Variants in CNTNAP3B observed in about 807,000 individuals in gnomAD.
CNTNAP3B encodes the protein contactin-associated protein-like 3B.
In CNTNAP3B, 25 loss-of-function variants were observed where a neutral mutation model predicts 108.9. The observed-to-expected ratio is 0.23, with a 90% CI of 0.17 to 0.32. CNTNAP3B has a LOEUF of 0.32. Among genes scored for constraint, CNTNAP3B ranks in the 10% least tolerant of loss-of-function variants. CNTNAP3B has a pLI of 1.00. For synonymous variants in CNTNAP3B, 103 were observed against 473.4 expected (o/e 0.22, Z 10.16); for missense variants, 252 against 1,210.4 (o/e 0.21, Z 11.75).
intron 18 of CNTNAP3B, among the ~76,000 whole-genome samples, chr9:41,919,290 A>AT (rs1158695911): frequency 5.6e-3 from 840 of 150,372 alleles, no homozygotes; most frequent in African/African-American, 0.02. Context: ...TAATTTTTGT[A>AT]TTTTTAGTAA....
At chr9:41,961,165 G>T (rs1360001617) in intron 11 of CNTNAP3B, among the ~76,000 whole-genome samples, 3 of 152,308 alleles carry the variant, frequency 2.0e-5, no homozygotes, top group Non-Finnish European at 4.4e-5. Context: ...CGGTCACAGT[G>T]TATTTCTATT....
chr9:42,116,857 A>C lies in CNTNAP3B; in HGVS notation c.86-12118T>G, dbSNP rs577282987. On this transcript the variant is annotated intron_variant, in intron 1 of 23. Coordinates refer to ENST00000377561, the MANE Select transcript of CNTNAP3B (RefSeq NM_001201380.3). ...TGCCAAGCAAAGGGAAAACAAAAAA[A>C]AAGCAGGGGTTGGAATCCTAGTCTC... Among the ~76,000 whole-genome samples, 6 of 138,236 alleles carry C rather than the reference A, an allele frequency of 4.3e-5. 2 individuals are homozygous for C. The South Asian group carries it at 1.4e-3, about 32-fold the overall frequency. 90.7% of individuals were successfully genotyped at this position (138,236 alleles called of 152,430 possible).
intron 3 of CNTNAP3B, among the ~76,000 whole-genome samples, chr9:42,036,091 C>G (rs1339548279): frequency 6.7e-6 from 1 of 149,832 alleles, no homozygotes; most frequent in Non-Finnish European, 1.5e-5. Flanking sequence ...CTGGGCATCA[C>G]AGGGAGACTC....
intron 3 of CNTNAP3B, among the ~76,000 whole-genome samples, chr9:42,019,760 C>CA (rs71251465): frequency 0.018 from 1,386 of 77,206 alleles, 48 homozygotes; most frequent in South Asian, 0.059. Context: ...GACTCTATCT[C>CA]AAAAAAAAAA....
chr9:42,059,938 C>T (rs1188298828), intron 3 of CNTNAP3B, among the ~76,000 whole-genome samples: 21 of 148,794 alleles, frequency 1.4e-4, no homozygotes, highest in African/African-American at 4.8e-4. Flanking sequence ...GTCTTTAGGG[C>T]TTTCTATATA....
intron 3 of CNTNAP3B, among the ~76,000 whole-genome samples, chr9:42,035,633 A>G (rs1352691698): frequency 6.7e-6 from 1 of 149,666 alleles, no homozygotes; most frequent in Non-Finnish European, 1.5e-5. Flanking sequence ...CAAAGTGTTC[A>G]TTATCATTAT....
At position 42,093,345 on chromosome 9, in the gene CNTNAP3B, A is replaced by G. The variant is rs1420086310; in HGVS notation, c.196+11284T>C. On this transcript the variant is annotated intron_variant, in intron 2 of 23. Coordinates refer to ENST00000377561, the MANE Select transcript of CNTNAP3B (RefSeq NM_001201380.3). ...GGGTGACAGGGTGAGGCTCCATCTC[A>G]AAAACCAAACCAAAACAAAACAAAT... Among the ~76,000 whole-genome samples, 6 of 96,120 alleles carry G rather than the reference A, an allele frequency of 6.2e-5. 2 individuals are homozygous for G. Among genetic ancestry groups the G allele is most frequent in the African/African-American group, 2.3e-4 (6 of 26,030 alleles). The allele number at this position is 96,120 out of a possible 152,430, so 63.1% of individuals were successfully genotyped here.
chr9:41,957,431 T>G (rs1824895004), intron 12 of CNTNAP3B, among the ~76,000 whole-genome samples: 1 of 81,154 alleles, frequency 1.2e-5, no homozygotes, highest in Non-Finnish European at 2.4e-5. Flanking sequence ...GGGGGTGGGG[T>G]TCAGTCTTTT....
In CNTNAP3B at chr9:42,056,411, C is replaced by T. The variant is rs1165476772; in HGVS notation, c.390+20458G>A. ...TGTCGCCCAGGCTGGAGTGCAGTGG[C>T]GCAATCTTGGCTCACTGCAAGCTCC... On this transcript the variant is annotated intron_variant, in intron 3 of 23. Coordinates refer to ENST00000377561, the MANE Select transcript of CNTNAP3B (RefSeq NM_001201380.3). Among the ~76,000 whole-genome samples, 12 of 138,704 alleles carry T rather than the reference C, an allele frequency of 8.7e-5. No homozygotes were observed. In the East Asian group the frequency reaches 1.1e-3, roughly 12 times the overall value. 91.0% of individuals were successfully genotyped at this position (138,704 alleles called of 152,430 possible).
intron 18 of CNTNAP3B, among the ~76,000 whole-genome samples, chr9:41,915,744 G>A (rs1437063828): frequency 1.7e-5 from 2 of 114,408 alleles, no homozygotes; most frequent in African/African-American, 6.4e-5. Flanking sequence ...AGATAATCAT[G>A]TTTTTTTTTC....
chr9:41,919,086 A>G (rs1823595120), intron 18 of CNTNAP3B, among the ~76,000 whole-genome samples: 1 of 152,288 alleles, frequency 6.6e-6, no homozygotes, highest in African/African-American at 2.4e-5. Flanking sequence ...AAATATATTA[A>G]ATAAGTCAGT....
At chr9:42,108,715 G>A (rs1282872411) in intron 1 of CNTNAP3B, among the ~76,000 whole-genome samples, 5 of 134,408 alleles carry the variant, frequency 3.7e-5, no homozygotes, top group South Asian at 4.9e-4. Flanking sequence ...ATTTAGTCTC[G>A]GTGATTAGCT....
chr9:41,935,353 A>G (rs1824124586), intron 14 of CNTNAP3B, among the ~76,000 whole-genome samples: 1 of 152,274 alleles, frequency 6.6e-6, no homozygotes, highest in South Asian at 2.1e-4. Context: ...ATGCCTGAAG[A>G]GACTTAAAAT....
At chr9:42,071,958 G>A (rs1169664560) in intron 3 of CNTNAP3B, among the ~76,000 whole-genome samples, 3 of 150,146 alleles carry the variant, frequency 2.0e-5, no homozygotes, top group African/African-American at 5.0e-5. Context: ...CTTAGTTTTG[G>A]ATGTGACTAT....
chr9:41,934,122 T>TATATATATATATACACAC (rs1214326050), intron 14 of CNTNAP3B, among the ~76,000 whole-genome samples: 1,506 of 72,738 alleles, frequency 0.021, 5 homozygotes, highest in Non-Finnish European at 0.03. Flanking sequence ...TATATATATA[T>TATATATATATATACACAC]ACACACACAT....
intron 14 of CNTNAP3B, among the ~76,000 whole-genome samples, chr9:41,934,586 T>G (rs1335544806): frequency 6.6e-6 from 1 of 152,270 alleles, no homozygotes; most frequent in Admixed American, 6.5e-5. Context: ...TCTAGTGAGT[T>G]TATCTCAGCA....
At chr9:42,030,794 A>T (rs373385474) in intron 3 of CNTNAP3B, among the ~76,000 whole-genome samples, 1 of 29,670 alleles carries the variant, frequency 3.4e-5, no homozygotes, top group Non-Finnish European at 6.6e-5. Flanking sequence ...GATGTGTGCG[A>T]GAGAGAGAGA....
chr9:42,111,235 T>G lies in CNTNAP3B; in HGVS notation c.86-6496A>C, dbSNP rs141195977. Among the ~76,000 whole-genome samples the G allele has an allele frequency of 5.4e-4, 75 of 139,810 alleles. 17 individuals are homozygous for G. Among genetic ancestry groups the G allele is most frequent in the Middle Eastern group, 3.5e-3 (1 of 286 alleles). 91.7% of individuals were successfully genotyped at this position (139,810 alleles called of 152,430 possible). On this transcript the variant is annotated intron_variant, in intron 1 of 23. Coordinates refer to ENST00000377561, the MANE Select transcript of CNTNAP3B (RefSeq NM_001201380.3). The stretch of plus-strand genomic sequence containing the variant: ...TGAATAACAGCAGAACTTGGGACTT[T>G]CGGCTTGAACTCTTGGGAGAAATAC...
chr9:42,128,868 T>C (rs1460728384), intron 1 of CNTNAP3B, 142 bp downstream of exon 1: 1 of 901,320 alleles, frequency 1.1e-6, no homozygotes, highest in East Asian at 3.0e-5. Context: ...CTTTTTCGGG[T>C]TGCAATTCCA....
Sources: allele counts gnomAD v4.1 joint callset (sites outside exome capture counted in the v4.1 genomes callset), GRCh38; gene constraint gnomAD v4.1.1; transcripts MANE v1.5; gene names NCBI Gene and HGNC (gene_info 2026-07-23, HGNC 2026-07-21).